Variants in CADPS2 observed in about 807,000 individuals in gnomAD.
The protein encoded by CADPS2 is calcium-dependent secretion activator 2.
CADPS2 carries 93 observed loss-of-function variants against 172.5 expected under a neutral mutation model. That is an observed-to-expected ratio of 0.54 (90% CI 0.46 to 0.64). CADPS2 has a LOEUF of 0.64. Among genes scored for constraint, CADPS2 ranks in the 30% least tolerant of loss-of-function variants. CADPS2 has a pLI of 0.00. For synonymous variants in CADPS2, 546 were observed against 555.2 expected, an observed-to-expected ratio of 0.98 and a Z score of 0.23; for missense variants, 1,420 against 1,565.9, an observed-to-expected ratio of 0.91 and a Z score of 1.57.
At chr7:122,631,370 T>G (rs1226671445) in intron 3 of CADPS2, among the ~76,000 whole-genome samples, 1 of 152,198 alleles carries the variant, frequency 6.6e-6, no homozygotes, top group East Asian at 1.9e-4. Context: ...AGCTCTTACT[T>G]AAGTGTAAGT....
At position 122,393,268 on chromosome 7, in the gene CADPS2, C is replaced by G. The variant is rs768948203; in HGVS notation, c.2936G>C (p.Ser979Thr). The G allele has an allele frequency of 2.5e-6, 4 of 1,613,826 alleles. No individual in the cohort carries two copies. In the South Asian group the frequency reaches 4.4e-5, roughly 18 times the overall value. The change falls in exon 22 of 30, where the codon AGT becomes ACT. Residue 979 changes from serine (S) to threonine (T), a missense_variant. Ser to Thr is a moderately conservative substitution (Grantham distance 58). Coordinates refer to ENST00000449022, the MANE Select transcript of CADPS2 (RefSeq NM_017954.11). ...LPNVALPKVP[S>T]LPLNLPQIPN... ...AATCTGTGGAAGATTAAGAGGCAGACTTGGAACTTTTGGAAGAGCTACATT... is the reference window on the plus strand; with the variant it reads ...AATCTGTGGAAGATTAAGAGGCAGAGTTGGAACTTTTGGAAGAGCTACATT...
At chr7:122,645,389 G>GTATATATGTACATATACACACA (rs764984768) in intron 3 of CADPS2, among the ~76,000 whole-genome samples, 3 of 65,886 alleles carry the variant, frequency 4.6e-5, no homozygotes, top group African/African-American at 1.3e-4. Context: ...ATGTACATGT[G>GTATATATGTACATATACACACA]TGTGTATATA....
chr7:122,542,000 C>T (rs958702129), intron 8 of CADPS2, among the ~76,000 whole-genome samples: 1 of 151,018 alleles, frequency 6.6e-6, no homozygotes, highest in Middle Eastern at 3.5e-3. Context: ...ATCAAATCAT[C>T]ATTTATTTGT....
chr7:122,326,394 AAG>A (rs879289727), intron 28 of CADPS2, among the ~76,000 whole-genome samples: 2 of 152,132 alleles, frequency 1.3e-5, no homozygotes, highest in African/African-American at 2.4e-5. Context: ...AGTCTAGTAA[AAG>A]AAAATATTGT....
intron 1 of CADPS2, among the ~76,000 whole-genome samples, chr7:122,804,061 TG>T (rs1798273769): frequency 6.6e-6 from 1 of 151,630 alleles, no homozygotes; most frequent in Admixed American, 6.6e-5. Flanking sequence ...CAGTTCACTG[TG>T]GTCACTCATT....
intron 1 of CADPS2, among the ~76,000 whole-genome samples, chr7:122,837,878 G>A (rs1809034755): frequency 6.6e-6 from 1 of 152,136 alleles, no homozygotes; most frequent in African/African-American, 2.4e-5. Context: ...CATTCCTTCT[G>A]AAACTATTCC....
chr7:122,737,373 G>T (rs1001031658), intron 1 of CADPS2, among the ~76,000 whole-genome samples: 5 of 152,074 alleles, frequency 3.3e-5, no homozygotes, highest in Non-Finnish European at 7.4e-5. Context: ...TATGGTGCCT[G>T]CCATCACGCC....
At chr7:122,478,428 G>T (rs2056947245) in intron 12 of CADPS2, among the ~76,000 whole-genome samples, 6 of 152,192 alleles carry the variant, frequency 3.9e-5, no homozygotes, top group Admixed American at 3.9e-4. Flanking sequence ...GAGGATACTG[G>T]TGGAGTTTCT....
At chr7:122,792,861 C>T (rs1255290094) in intron 1 of CADPS2, among the ~76,000 whole-genome samples, 1 of 152,164 alleles carries the variant, frequency 6.6e-6, no homozygotes, top group Non-Finnish European at 1.5e-5. Context: ...CACTATGCTT[C>T]TGGCAACTTC....
rs558645341 is a variant in CADPS2, at chr7:122,728,205, T to A, written c.453+8750A>T. Among the ~76,000 whole-genome samples, 34 of 152,010 alleles carry A rather than the reference T, an allele frequency of 2.2e-4. 2 individuals are homozygous for A. The highest frequency in any genetic ancestry group is 8.2e-4 in the African/African-American group (34 of 41,536). On this transcript the variant is annotated intron_variant, in intron 2 of 29. Coordinates refer to ENST00000449022, the MANE Select transcript of CADPS2 (RefSeq NM_017954.11). ...AATGCCAATCTTCCCAGCTCCTCTC[T>A]CTCTCTAGCTTACAAACATAAGACC...
At chr7:122,833,560 GT>G (rs200019128) in intron 1 of CADPS2, among the ~76,000 whole-genome samples, 1 of 151,152 alleles carries the variant, frequency 6.6e-6, no homozygotes, top group Non-Finnish European at 1.5e-5. Flanking sequence ...GTTTTGTTTT[GT>G]TTTTTTGTAA....
intron 1 of CADPS2, among the ~76,000 whole-genome samples, chr7:122,788,993 A>G (rs1291913417): frequency 6.6e-6 from 1 of 152,160 alleles, no homozygotes; most frequent in East Asian, 1.9e-4. Context: ...GCTGATCACA[A>G]GAGGAAGCAG....
At chr7:122,370,398 G>T (rs2151256989) in intron 25 of CADPS2, among the ~76,000 whole-genome samples, 1 of 152,188 alleles carries the variant, frequency 6.6e-6, no homozygotes, top group African/African-American at 2.4e-5. Context: ...AATGAATATT[G>T]CCCTTTTTCA....
Position 122,379,576 on chromosome 7 carries a change from C to T in CADPS2, c.3313-134G>A, listed in dbSNP as rs983675810. On this transcript the variant is annotated intron_variant, in intron 24 of 29. Coordinates refer to ENST00000449022, the MANE Select transcript of CADPS2 (RefSeq NM_017954.11). Reference sequence around the variant, plus strand: ...ATGATCATTTAGAACATTAAAAGAACAAAACCTTGAAAATGATCCACCCAG... The same window carrying T: ...ATGATCATTTAGAACATTAAAAGAATAAAACCTTGAAAATGATCCACCCAG... 3.2e-5 allele frequency: 21 copies of T among 660,086 alleles called. No individual in the cohort carries two copies. In the African/African-American group the frequency reaches 3.3e-4, roughly 10 times the overall value. The allele number at this position is 660,086 out of a possible 1,614,324, so 40.9% of individuals were successfully genotyped here.
intron 1 of CADPS2, among the ~76,000 whole-genome samples, chr7:122,835,806 G>C (rs1285135287): frequency 6.6e-6 from 1 of 152,176 alleles, no homozygotes; most frequent in Non-Finnish European, 1.5e-5. Flanking sequence ...TGTCTGATTG[G>C]TGCACCTGAA....
intron 6 of CADPS2, among the ~76,000 whole-genome samples, chr7:122,597,256 A>T (rs987555609): frequency 1.3e-5 from 2 of 152,116 alleles, no homozygotes; most frequent in Non-Finnish European, 2.9e-5. Flanking sequence ...TAAAAATAGA[A>T]ACACTAATAA....
chr7:122,821,841 T>C (rs1051305751), intron 1 of CADPS2, among the ~76,000 whole-genome samples: 101 of 152,130 alleles, frequency 6.6e-4, no homozygotes, highest in African/African-American at 2.4e-3. Context: ...CTTTTACCAC[T>C]TTCCCTTCTC....
Position 122,386,961 on chromosome 7 carries a change from G to T in CADPS2, c.3312+65C>A, listed in dbSNP as rs555852045. 2.6e-4 allele frequency: 386 copies of T among 1,492,268 alleles called. 7 individuals carry two copies. The South Asian group carries it at 4.4e-3, about 17-fold the overall frequency. The allele number at this position is 1,492,268 out of a possible 1,614,324, so 92.4% of individuals were successfully genotyped here. A position where few individuals can be genotyped will look rare whatever the true frequency, so the allele number is the denominator to read the frequency against. ...AATCCAATCAAGAGAATGCCTTGTG[G>T]AAAGGGCATTTCCCATGCCAAGGCA... On this transcript the variant is annotated intron_variant, in intron 24 of 29. Transcript: ENST00000449022.
chr7:122,761,221 A>C (rs2093368063), intron 1 of CADPS2, among the ~76,000 whole-genome samples: 1 of 152,308 alleles, frequency 6.6e-6, no homozygotes, highest in African/African-American at 2.4e-5. Context: ...GTGGGATGCA[A>C]TACTGAAAAG....
Sources: allele counts gnomAD v4.1 joint callset (sites outside exome capture counted in the v4.1 genomes callset), GRCh38; gene constraint gnomAD v4.1.1; transcripts MANE v1.5; gene names NCBI Gene and HGNC (gene_info 2026-07-23, HGNC 2026-07-21).